VTI1A: variants seen among roughly 807,000 people sequenced by gnomAD.
The protein encoded by VTI1A is vesicle transport through interaction with t-SNAREs homolog 1A.
VTI1A carries 22 observed loss-of-function variants against 34.9 expected under a neutral mutation model. The observed-to-expected ratio is 0.63, with a 90% CI of 0.45 to 0.90. The LOEUF is 0.90. Ranked by LOEUF, VTI1A falls within the 40% of genes least tolerant of loss-of-function variation. The probability of loss-of-function intolerance (pLI) is 0.00; values close to 1 mark genes in which losing one functional copy is unlikely to be tolerated. For missense variants in VTI1A, 268 were observed against 275.6 expected, an observed-to-expected ratio of 0.97 and a Z score of 0.20; for synonymous variants, 87 against 97.3, an observed-to-expected ratio of 0.89 and a Z score of 0.62.
chr10:112,829,444 G>GAAA, the VTI1A span, among the ~76,000 whole-genome samples: 2 of 131,984 alleles, frequency 1.5e-5, no homozygotes, highest in South Asian at 2.6e-4. Flanking sequence ...ACTCCGTCTC[G>GAAA]AAAAAAAAAA....
At chr10:112,708,761 C>T (rs1166214314) in intron 7 of VTI1A, among the ~76,000 whole-genome samples, 5 of 152,218 alleles carry the variant, frequency 3.3e-5, no homozygotes, top group Admixed American at 3.3e-4. Context: ...ATAAATGCTG[C>T]TCATATTTCT....
intron 5 of VTI1A, among the ~76,000 whole-genome samples, chr10:112,590,367 T>C (rs898387252): frequency 1.3e-5 from 2 of 152,108 alleles, no homozygotes; most frequent in Non-Finnish European, 2.9e-5. Context: ...TCTCTATATA[T>C]GTTTGTGTAT....
intron 7 of VTI1A, among the ~76,000 whole-genome samples, chr10:112,808,806 C>G (rs570139132): frequency 8.5e-5 from 13 of 152,094 alleles, no homozygotes; most frequent in Admixed American, 2.0e-4. Flanking sequence ...CTTTATCTCT[C>G]GGCTCTGCAT....
intron 3 of VTI1A, among the ~76,000 whole-genome samples, chr10:112,486,467 C>T (rs1260013264): frequency 1.3e-5 from 2 of 152,072 alleles, no homozygotes; most frequent in Non-Finnish European, 2.9e-5. Context: ...ATCCTTATTA[C>T]AGTGCCCTTA....
chr10:112,517,369 A>G (rs1849816429), intron 3 of VTI1A, among the ~76,000 whole-genome samples: 1 of 152,112 alleles, frequency 6.6e-6, no homozygotes, highest in African/African-American at 2.4e-5. Context: ...TATAATAAAT[A>G]GCCATGATGC....
At chr10:112,518,908 A>G (rs1333133918) in intron 3 of VTI1A, among the ~76,000 whole-genome samples, 2 of 151,914 alleles carry the variant, frequency 1.3e-5, no homozygotes, top group East Asian at 1.9e-4. Flanking sequence ...TTTCATATTC[A>G]TTATATTTTG....
chr10:112,783,937 G>A (rs1173434735), intron 7 of VTI1A, among the ~76,000 whole-genome samples: 2 of 152,178 alleles, frequency 1.3e-5, no homozygotes, highest in Non-Finnish European at 2.9e-5. Context: ...CCGAAGGGCC[G>A]CCTTCTCCCG....
intron 7 of VTI1A, among the ~76,000 whole-genome samples, chr10:112,790,597 A>G (rs1263078575): frequency 1.3e-5 from 2 of 152,092 alleles, no homozygotes; most frequent in Non-Finnish European, 2.9e-5. Flanking sequence ...GCTCCAAATC[A>G]AGTCAGCCTC....
At chr10:112,467,036 C>A (rs906359533) in intron 3 of VTI1A, among the ~76,000 whole-genome samples, 2 of 152,150 alleles carry the variant, frequency 1.3e-5, no homozygotes, top group Admixed American at 1.3e-4. Flanking sequence ...TCTTTGAAGA[C>A]CCTATCTCTG....
At chr10:112,789,960 T>C (rs1235304497) in intron 7 of VTI1A, among the ~76,000 whole-genome samples, 1 of 152,008 alleles carries the variant, frequency 6.6e-6, no homozygotes. Flanking sequence ...TCCTTTTTTT[T>C]TTTTTGGTGG....
rs561810517 is a variant in VTI1A, at chr10:112,808,655, G to T, written c.561-6635G>T. On this transcript the variant is annotated intron_variant, in intron 7 of 7. Coordinates refer to ENST00000393077, the MANE Select transcript of VTI1A (RefSeq NM_145206.4). ...AAAAAAAAAAAAAAAGAAAGCGAGA[G>T]AATCCCCAACCATACTTGCTGCAGT... Among the ~76,000 whole-genome samples, 7 of 151,204 alleles carry T rather than the reference G, an allele frequency of 4.6e-5. No homozygotes were observed. In the East Asian group the frequency reaches 1.4e-3, roughly 29 times the overall value.
At chr10:112,642,818 T>C (rs1180852391) in intron 5 of VTI1A, among the ~76,000 whole-genome samples, 1 of 152,026 alleles carries the variant, frequency 6.6e-6, no homozygotes, top group East Asian at 1.9e-4. Context: ...GTCTGTGCCA[T>C]AATAGTGGTA....
intron 5 of VTI1A, among the ~76,000 whole-genome samples, chr10:112,558,989 G>T (rs1042441421): frequency 2.0e-5 from 3 of 152,166 alleles, no homozygotes; most frequent in Non-Finnish European, 4.4e-5. Flanking sequence ...GAAAAAAAAA[G>T]TGTTTCTTTG....
chr10:112,723,988 A>G (rs1849912264), intron 7 of VTI1A, among the ~76,000 whole-genome samples: 1 of 152,236 alleles, frequency 6.6e-6, no homozygotes, highest in African/African-American at 2.4e-5. Flanking sequence ...GCTGAATAAC[A>G]TCTTTGTCTC....
At chr10:112,753,773 A>G (rs1243047548) in intron 7 of VTI1A, among the ~76,000 whole-genome samples, 1 of 152,154 alleles carries the variant, frequency 6.6e-6, no homozygotes, top group Admixed American at 6.6e-5. Context: ...AGAATTTGAT[A>G]TTTCTTTCTC....
In VTI1A at chr10:112,615,803, AAG is replaced by A. The variant is rs956232555; in HGVS notation, c.428-52413_428-52412del. ...GAGATGGGAATAGCCCACTAAGCAG[AAG>A]AAAGAGCCAAAGCAAAGGCCCTAGG... is the stretch of plus-strand genomic sequence containing the variant. On this transcript the variant is annotated intron_variant, in intron 5 of 7. Transcript: ENST00000393077. 4.5e-4 allele frequency among the ~76,000 whole-genome samples: 69 copies of A among 152,282 alleles called. 1 individual carries two copies. The highest frequency in any genetic ancestry group is 1.7e-3 in the African/African-American group (69 of 41,542).
At chr10:112,749,803 C>T (rs1240120222) in intron 7 of VTI1A, among the ~76,000 whole-genome samples, 1 of 152,148 alleles carries the variant, frequency 6.6e-6, no homozygotes, top group African/African-American at 2.4e-5. Context: ...AGGCCATATA[C>T]CCAGGCATTT....
At chr10:112,572,155 T>C (rs1462605189) in intron 5 of VTI1A, among the ~76,000 whole-genome samples, 1 of 152,192 alleles carries the variant, frequency 6.6e-6, no homozygotes, top group East Asian at 1.9e-4. Context: ...AAAAGAAAGA[T>C]AGTGGTTGAT....
chr10:112,590,687 T>C (rs772027454), intron 5 of VTI1A, among the ~76,000 whole-genome samples: 76 of 151,458 alleles, frequency 5.0e-4, no homozygotes, highest in Non-Finnish European at 9.4e-4. Flanking sequence ...GTCTAAACAA[T>C]AATAATATTA....
Sources: gnomAD v4.1 joint callset for allele counts (sites outside exome capture counted in the v4.1 genomes callset) on GRCh38, gnomAD v4.1.1 for gene constraint, MANE v1.5 for transcripts, NCBI Gene and HGNC (gene_info 2026-07-23, HGNC 2026-07-21) for gene names.